PMS1: variants seen among roughly 807,000 people sequenced by gnomAD.
PMS1 encodes PMS1 homolog 1, mismatch repair system component.
A neutral mutation model predicts 93.1 loss-of-function variants in PMS1; 79 were observed. That is an observed-to-expected ratio of 0.85 (90% CI 0.71 to 1.02). The LOEUF (loss-of-function observed/expected upper bound fraction) is 1.02, where lower values mean the gene tolerates loss of function less well. PMS1 is among the 50% of genes least tolerant of loss of function. The probability of loss-of-function intolerance (pLI) is 0.00; values close to 1 mark genes in which losing one functional copy is unlikely to be tolerated. For missense variants in PMS1, 1,064 were observed against 1,085.3 expected (o/e 0.98, Z 0.28); for synonymous variants, 335 against 363.4 (o/e 0.92, Z 0.89).
chr2:189,873,865 T>C (rs962148378), intron 12 of PMS1, among the ~76,000 whole-genome samples: 3 of 152,042 alleles, frequency 2.0e-5, no homozygotes, highest in Non-Finnish European at 4.4e-5. Context: ...GGGATCGAGG[T>C]TGTGCACTTC....
chr2:189,795,817 A>G lies in PMS1; in HGVS notation c.181A>G (p.Ile61Val), dbSNP rs1330142638. Reference protein sequence around the residue: ...KIEVRDNGEGIKAVDAPVMAM... With the variant: ...KIEVRDNGEGVKAVDAPVMAM... Reference sequence around the variant, plus strand: ...TGAGGTGCGAGATAACGGGGAGGGTATCAAGGCTGTTGATGCACCTGTAAT... The same window carrying G: ...TGAGGTGCGAGATAACGGGGAGGGTGTCAAGGCTGTTGATGCACCTGTAAT... Residue 61 changes from isoleucine (I) to valine (V), a missense_variant, in exon 3 of 13, where the codon ATC (isoleucine) becomes GTC (valine). By Grantham distance (29) the Ile-to-Val change is conservative. Transcript: ENST00000441310. The G allele has an allele frequency of 1.2e-6, 2 of 1,613,836 alleles. No homozygotes were observed. Among genetic ancestry groups the G allele is most frequent in the Non-Finnish European group, 8.5e-7 (1 of 1,179,708 alleles).
chr2:189,838,054 T>A (rs2053536119), intron 5 of PMS1, among the ~76,000 whole-genome samples: 1 of 152,218 alleles, frequency 6.6e-6, no homozygotes, highest in Non-Finnish European at 1.5e-5. Context: ...TTTGGACTGA[T>A]AAAATTGTTC....
chr2:189,870,029 A>C (rs256561), intron 11 of PMS1, among the ~76,000 whole-genome samples: 4 of 151,808 alleles, frequency 2.6e-5, no homozygotes, highest in African/African-American at 9.7e-5. Flanking sequence ...AGATGCAAAA[A>C]TGATTAAGTC....
At chr2:189,792,828 T>C (rs958381331) in intron 2 of PMS1, among the ~76,000 whole-genome samples, 4 of 151,646 alleles carry the variant, frequency 2.6e-5, no homozygotes, top group African/African-American at 4.8e-5. Flanking sequence ...TTTTATTTTT[T>C]TGAGGCAGAG....
chr2:189,819,791 A>G (rs911700041), intron 5 of PMS1, among the ~76,000 whole-genome samples: 3 of 152,180 alleles, frequency 2.0e-5, no homozygotes, highest in East Asian at 1.9e-4. Context: ...AGAGTTTGCA[A>G]ATATTTTCTC....
chr2:189,811,774 G>A (rs987488952), intron 4 of PMS1, among the ~76,000 whole-genome samples: 10 of 152,320 alleles, frequency 6.6e-5, no homozygotes, highest in African/African-American at 2.4e-4. Context: ...AACCAGTAAT[G>A]TGTTGGACAG....
chr2:189,877,373 T>A lies in PMS1; in HGVS notation c.2736T>A (p.Ile912=). 1 of 1,613,320 alleles carries A rather than the reference T, an allele frequency of 6.2e-7. No individual in the cohort carries two copies. The highest frequency in any genetic ancestry group is 8.5e-7 in the Non-Finnish European group (1 of 1,179,278). Residue 912 remains isoleucine, a synonymous_variant, in exon 13 of 13, where the codon ATT becomes ATA. Coordinates refer to ENST00000441310, the MANE Select transcript of PMS1 (RefSeq NM_000534.5). ...TGAAGCACCAGTTTGGAAATGAAATTAAAGAGTGTGTTCATGGTCGCCCAT... is the reference window on the plus strand; with the variant it reads ...TGAAGCACCAGTTTGGAAATGAAATAAAAGAGTGTGTTCATGGTCGCCCAT... ...YRMKHQFGNE[I]KECVHGRPFF...
chr2:189,798,717 A>C (rs1176013705), intron 3 of PMS1, among the ~76,000 whole-genome samples: 1 of 150,046 alleles, frequency 6.7e-6, no homozygotes, highest in Non-Finnish European at 1.5e-5. Flanking sequence ...ACTACTCTAG[A>C]AGTCATTTTT....
chr2:189,865,313 G>A (rs952920996), intron 10 of PMS1, among the ~76,000 whole-genome samples: 4 of 152,038 alleles, frequency 2.6e-5, no homozygotes, highest in Admixed American at 6.5e-5. Flanking sequence ...TTTGTTCAGT[G>A]GAATGTTCTG....
chr2:189,839,639 A>C (rs998989748), intron 5 of PMS1, among the ~76,000 whole-genome samples: 3 of 152,196 alleles, frequency 2.0e-5, no homozygotes, highest in African/African-American at 7.2e-5. Context: ...TCTCTGTGCA[A>C]CTGACTTAGG....
chr2:189,844,737 T>C (rs2054112384), intron 6 of PMS1, among the ~76,000 whole-genome samples: 1 of 151,960 alleles, frequency 6.6e-6, no homozygotes, highest in African/African-American at 2.4e-5. Flanking sequence ...TAGATAGTAC[T>C]TTTTTACTCC....
intron 4 of PMS1, among the ~76,000 whole-genome samples, chr2:189,815,161 T>C (rs2051186701): frequency 6.6e-6 from 1 of 150,704 alleles, no homozygotes; most frequent in Admixed American, 6.6e-5. Flanking sequence ...TGTGGAAAGG[T>C]TGACAGAAGA....
At chr2:189,818,859 TC>T (rs1331952653) in intron 5 of PMS1, among the ~76,000 whole-genome samples, 1 of 152,216 alleles carries the variant, frequency 6.6e-6, no homozygotes, top group Non-Finnish European at 1.5e-5. Context: ...TTTAAAGACT[TC>T]ACAATTTAGT....
Position 189,791,801 on chromosome 2 carries a change from A to G in PMS1, c.-9A>G. 1 of 1,613,558 alleles carries G rather than the reference A, an allele frequency of 6.2e-7. No individual in the cohort carries two copies. Among genetic ancestry groups the G allele is most frequent in the Non-Finnish European group, 8.5e-7 (1 of 1,179,682 alleles). ...TTTTTATCTTCTAGCTGCTCTGTTA[A>G]AAGCGAAAATGAAACAATTGCCTGC... On this transcript the variant is annotated 5_prime_UTR_variant, in exon 2 of 13. Transcript: ENST00000441310.
At chr2:189,832,049 G>A (rs1442204170) in intron 5 of PMS1, among the ~76,000 whole-genome samples, 2 of 151,976 alleles carry the variant, frequency 1.3e-5, no homozygotes, top group African/African-American at 4.8e-5. Flanking sequence ...AGGCCCAGAA[G>A]TAGAATAAAG....
intron 5 of PMS1, among the ~76,000 whole-genome samples, chr2:189,838,260 G>A (rs1222345130): frequency 6.6e-6 from 1 of 152,126 alleles, no homozygotes; most frequent in Admixed American, 6.6e-5. Flanking sequence ...AACAGGTATG[G>A]TGGTGTGACA....
intron 11 of PMS1, among the ~76,000 whole-genome samples, chr2:189,868,981 C>T (rs1262681443): frequency 6.6e-6 from 1 of 152,140 alleles, no homozygotes; most frequent in Non-Finnish European, 1.5e-5. Flanking sequence ...TTATTATGTA[C>T]AGGGCACTAT....
At chr2:189,816,360 A>G (rs2051298558) in intron 4 of PMS1, among the ~76,000 whole-genome samples, 1 of 151,434 alleles carries the variant, frequency 6.6e-6, no homozygotes, top group Admixed American at 6.6e-5. Context: ...TTTCTTCTTA[A>G]TAGTTAGTAA....
At position 189,818,036 on chromosome 2, in the gene PMS1, A is replaced by C; in HGVS notation, c.438A>C (p.Leu146Phe). ...CAACAGGTACAACTGTAACTGCTTT[A>C]AGATTATTTAAGAATCTACCTGTAA... Reference protein sequence around the residue: ...HLGQGTTVTALRLFKNLPVRK... With the variant: ...HLGQGTTVTAFRLFKNLPVRK... Residue 146 changes from leucine to phenylalanine, a missense_variant, in exon 5 of 13, where the codon TTA (leucine) becomes TTC (phenylalanine). Physicochemically the swap from Leu to Phe is conservative, Grantham distance 22 (BLOSUM62 0). Coordinates refer to ENST00000441310, the MANE Select transcript of PMS1 (RefSeq NM_000534.5). 2 of 1,609,686 alleles carry C rather than the reference A, an allele frequency of 1.2e-6. No individual in the cohort carries two copies. Among genetic ancestry groups the C allele is most frequent in the Non-Finnish European group, 1.7e-6 (2 of 1,176,468 alleles).
Sources: allele counts gnomAD v4.1 joint callset (sites outside exome capture counted in the v4.1 genomes callset), GRCh38; gene constraint gnomAD v4.1.1; transcripts MANE v1.5; gene names NCBI Gene and HGNC (gene_info 2026-07-23, HGNC 2026-07-21).